The following C8orf34 variants were observed in gnomAD, a reference collection of about 807,000 sequenced individuals.
C8orf34 encodes the protein chromosome 8 open reading frame 34.
C8orf34 carries 65 observed loss-of-function variants against 68.3 expected under a neutral mutation model. The ratio of observed to expected loss-of-function variants is 0.95; its 90% confidence interval spans 0.78 to 1.17. The LOEUF (loss-of-function observed/expected upper bound fraction) is 1.17, where lower values mean the gene tolerates loss of function less well. Among genes scored for constraint, C8orf34 ranks in the 50% most tolerant of loss-of-function variants. The pLI, the probability that C8orf34 is intolerant of heterozygous loss-of-function variation, is 0.00. For synonymous variants in C8orf34, 244 were observed against 241.2 expected, an observed-to-expected ratio of 1.01 and a Z score of -0.11; for missense variants, 664 against 655.4, an observed-to-expected ratio of 1.01 and a Z score of -0.14.
At chr8:68,515,558 A>G (rs950201553) in intron 5 of C8orf34, among the ~76,000 whole-genome samples, 1 of 152,170 alleles carries the variant, frequency 6.6e-6, no homozygotes. Context: ...TGTGAAAAGT[A>G]TATGCAAACA....
intron 7 of C8orf34, among the ~76,000 whole-genome samples, chr8:68,574,387 C>T (rs1463963332): frequency 6.6e-6 from 1 of 152,018 alleles, no homozygotes; most frequent in Non-Finnish European, 1.5e-5. Flanking sequence ...ACCTACCTGA[C>T]ATATTATCTA....
intron 5 of C8orf34, among the ~76,000 whole-genome samples, chr8:68,502,391 A>T (rs762596421): frequency 4.6e-5 from 7 of 152,198 alleles, no homozygotes; most frequent in Non-Finnish European, 7.3e-5. Flanking sequence ...ACTACCAAAG[A>T]TCACTAAGAT....
At chr8:68,365,008 TA>T (rs1337111957) in intron 1 of C8orf34, among the ~76,000 whole-genome samples, 2 of 150,244 alleles carry the variant, frequency 1.3e-5, no homozygotes, top group South Asian at 2.1e-4. Flanking sequence ...GCAAGATTAA[TA>T]AAGAAAAAAA....
intron 6 of C8orf34, among the ~76,000 whole-genome samples, chr8:68,527,055 G>C (rs867643081): frequency 3.9e-5 from 6 of 152,090 alleles, no homozygotes; most frequent in Middle Eastern, 3.2e-3. Context: ...TGGATTCCTT[G>C]AGTATATGAA....
chr8:68,809,248 A>T (rs945898801), intron 12 of C8orf34, among the ~76,000 whole-genome samples: 1 of 152,156 alleles, frequency 6.6e-6, no homozygotes, highest in Non-Finnish European at 1.5e-5. Flanking sequence ...TCTGCCTTTT[A>T]CTTACTAACT....
chr8:68,377,824 C>T (rs1285923789), intron 1 of C8orf34, among the ~76,000 whole-genome samples: 4 of 152,084 alleles, frequency 2.6e-5, no homozygotes, highest in African/African-American at 9.7e-5. Flanking sequence ...CTCAGTTCAG[C>T]ATGGCTGGGG....
chr8:68,389,999 A>G (rs1192063472), intron 1 of C8orf34, among the ~76,000 whole-genome samples: 1 of 152,138 alleles, frequency 6.6e-6, no homozygotes, highest in Non-Finnish European at 1.5e-5. Flanking sequence ...GTTACTCTTG[A>G]AGGGGTCACC....
intron 1 of C8orf34, among the ~76,000 whole-genome samples, chr8:68,373,151 C>T (rs941254177): frequency 6.6e-6 from 1 of 152,018 alleles, no homozygotes; most frequent in African/African-American, 2.4e-5. Flanking sequence ...TGCGTCACCA[C>T]GCCTGGCTAA....
intron 7 of C8orf34, among the ~76,000 whole-genome samples, chr8:68,567,430 GA>G (rs1816623944): frequency 6.6e-6 from 1 of 151,798 alleles, no homozygotes; most frequent in Non-Finnish European, 1.5e-5. Context: ...TGGTAGCCTC[GA>G]ATGATGTTTT....
At chr8:68,470,750 C>T (rs1433364110) in intron 4 of C8orf34, among the ~76,000 whole-genome samples, 2 of 152,102 alleles carry the variant, frequency 1.3e-5, no homozygotes, top group African/African-American at 4.8e-5. Context: ...TGTGTCCTCA[C>T]ATGGTGGAAG....
At chr8:68,592,496 C>T (rs1817420749) in intron 7 of C8orf34, among the ~76,000 whole-genome samples, 1 of 149,612 alleles carries the variant, frequency 6.7e-6, no homozygotes, top group South Asian at 2.1e-4. Flanking sequence ...ATCTTATAAG[C>T]TTTCTGAATT....
At chr8:68,411,477 C>G (rs541989805) in intron 1 of C8orf34, among the ~76,000 whole-genome samples, 1 of 152,248 alleles carries the variant, frequency 6.6e-6, no homozygotes, top group South Asian at 2.1e-4. Flanking sequence ...GCAGTGAACT[C>G]AATTTGGACT....
intron 8 of C8orf34, among the ~76,000 whole-genome samples, chr8:68,650,429 G>C (rs1182663500): frequency 1.3e-5 from 2 of 151,482 alleles, no homozygotes; most frequent in Non-Finnish European, 2.9e-5. Context: ...GTCGGACCAG[G>C]TGTGTCATTT....
chr8:68,333,273 G>T (rs938762101), intron 1 of C8orf34, among the ~76,000 whole-genome samples: 1 of 152,152 alleles, frequency 6.6e-6, no homozygotes. Flanking sequence ...ATAGCAACGT[G>T]TCTCATAAAA....
At chr8:68,384,851 G>A (rs1454873577) in intron 1 of C8orf34, among the ~76,000 whole-genome samples, 2 of 152,190 alleles carry the variant, frequency 1.3e-5, no homozygotes, top group Non-Finnish European at 2.9e-5. Context: ...GGTGGGAGCA[G>A]ATGGTGAAAT....
chr8:68,630,376 T>C (rs1037548868), intron 7 of C8orf34, among the ~76,000 whole-genome samples: 1 of 152,134 alleles, frequency 6.6e-6, no homozygotes, highest in Non-Finnish European at 1.5e-5. Flanking sequence ...TCTTTGAAAT[T>C]CTGTGTATAT....
chr8:68,625,763 C>A, intron 7 of C8orf34: 2 of 478,616 alleles, frequency 4.2e-6, no homozygotes, highest in Non-Finnish European at 7.4e-6. Context: ...CAGCAAGGGT[C>A]TTCTTTTGAA....
intron 5 of C8orf34, among the ~76,000 whole-genome samples, chr8:68,491,008 T>A (rs1038548345): frequency 3.9e-5 from 6 of 152,224 alleles, no homozygotes; most frequent in African/African-American, 1.4e-4. Flanking sequence ...ATATAGCTTC[T>A]TCCTTTTACT....
chr8:68,753,130 G>A (rs1409853573), intron 10 of C8orf34, among the ~76,000 whole-genome samples: 6 of 152,022 alleles, frequency 3.9e-5, no homozygotes, highest in Non-Finnish European at 7.4e-5. Context: ...CATATTTTAT[G>A]GTCATAACAC....
Sources: allele counts gnomAD v4.1 joint callset (sites outside exome capture counted in the v4.1 genomes callset), GRCh38; gene constraint gnomAD v4.1.1; transcripts MANE v1.5; gene names NCBI Gene and HGNC (gene_info 2026-07-23, HGNC 2026-07-21).